Variants in NDST4 observed in about 807,000 individuals in gnomAD.
NDST4 encodes N-deacetylase and N-sulfotransferase 4.
NDST4 carries 63 observed loss-of-function variants against 100.8 expected under a neutral mutation model. The observed-to-expected ratio is 0.62, with a 90% CI of 0.51 to 0.77. The LOEUF is 0.77. NDST4 is among the 30% of genes least tolerant of loss of function. NDST4 has a pLI of 0.00. For synonymous variants in NDST4, 377 were observed against 361.8 expected, an observed-to-expected ratio of 1.04 and a Z score of -0.48; for missense variants, 943 against 1,018.4, an observed-to-expected ratio of 0.93 and a Z score of 1.01.
intron 2 of NDST4, among the ~76,000 whole-genome samples, chr4:114,986,646 A>T (rs1347768834): frequency 6.6e-6 from 1 of 151,604 alleles, no homozygotes; most frequent in Non-Finnish European, 1.5e-5. Context: ...TCTGTTTCCC[A>T]TGCTCTACTG....
chr4:114,866,856 G>A (rs1724037449), intron 7 of NDST4, among the ~76,000 whole-genome samples: 1 of 152,164 alleles, frequency 6.6e-6, no homozygotes, highest in South Asian at 2.1e-4. Flanking sequence ...GATTATGTAA[G>A]TACTTCAAAA....
intron 2 of NDST4, among the ~76,000 whole-genome samples, chr4:114,986,788 T>TTATACA (rs1452360831): frequency 3.0e-5 from 2 of 65,982 alleles, no homozygotes; most frequent in African/African-American, 1.5e-4. Flanking sequence ...TGGTATCCAA[T>TTATACA]TATACATATA....
chr4:114,951,299 A>G (rs1388775350), intron 4 of NDST4, among the ~76,000 whole-genome samples: 1 of 151,990 alleles, frequency 6.6e-6, no homozygotes, highest in African/African-American at 2.4e-5. Flanking sequence ...TAGTTTTTTC[A>G]TTATTAAATA....
chr4:115,112,206 A>C (rs1398429100), intron 1 of NDST4, among the ~76,000 whole-genome samples: 1 of 151,734 alleles, frequency 6.6e-6, no homozygotes, highest in Admixed American at 6.6e-5. Context: ...ATATGAAAAA[A>C]AAAAAAAAAC....
At chr4:115,086,851 A>G (rs905208540) in intron 1 of NDST4, among the ~76,000 whole-genome samples, 2 of 152,088 alleles carry the variant, frequency 1.3e-5, no homozygotes, top group African/African-American at 4.8e-5. Flanking sequence ...TTAGAAAAAC[A>G]TGGGGATTTT....
chr4:115,038,560 C>A (rs1170256134), intron 2 of NDST4, among the ~76,000 whole-genome samples: 1 of 152,164 alleles, frequency 6.6e-6, no homozygotes, highest in Non-Finnish European at 1.5e-5. Context: ...GGTACCCTAT[C>A]TCTAATATCA....
intron 4 of NDST4, among the ~76,000 whole-genome samples, chr4:114,959,424 C>A (rs917458151): frequency 6.6e-6 from 1 of 152,164 alleles, no homozygotes; most frequent in African/African-American, 2.4e-5. Flanking sequence ...CACAGTTTCA[C>A]ATGGCTGAGA....
chr4:115,022,543 A>T (rs573549404), intron 2 of NDST4, among the ~76,000 whole-genome samples: 1 of 135,632 alleles, frequency 7.4e-6, no homozygotes, highest in East Asian at 2.0e-4. Flanking sequence ...TACTTCTCAG[A>T]CGTAAAAATG....
intron 6 of NDST4, among the ~76,000 whole-genome samples, chr4:114,879,983 T>C (rs1015362134): frequency 2.0e-5 from 3 of 152,198 alleles, no homozygotes; most frequent in Admixed American, 1.3e-4. Context: ...TAGTGCATTA[T>C]TAACAAATCA....
At chr4:114,997,253 G>A (rs894649297) in intron 2 of NDST4, among the ~76,000 whole-genome samples, 4 of 151,798 alleles carry the variant, frequency 2.6e-5, no homozygotes, top group East Asian at 1.9e-4. Flanking sequence ...CTTCCACAAT[G>A]TTTTTCCAGA....
chr4:114,952,384 G>T (rs186270401), intron 4 of NDST4, among the ~76,000 whole-genome samples: 1 of 152,030 alleles, frequency 6.6e-6, no homozygotes, highest in South Asian at 2.1e-4. Context: ...GCTATTTGGT[G>T]GGTGGGAGGG....
At chr4:114,996,587 T>C (rs896549289) in intron 2 of NDST4, among the ~76,000 whole-genome samples, 2 of 152,096 alleles carry the variant, frequency 1.3e-5, no homozygotes, top group Admixed American at 1.3e-4. Context: ...CTCCTCTCTG[T>C]TTCCTAGGTT....
intron 1 of NDST4, among the ~76,000 whole-genome samples, chr4:115,105,306 G>A (rs1167246890): frequency 1.3e-5 from 2 of 151,656 alleles, no homozygotes; most frequent in Non-Finnish European, 2.9e-5. Flanking sequence ...TATCTTTCTT[G>A]GACTGTCTCA....
intron 6 of NDST4, among the ~76,000 whole-genome samples, chr4:114,871,840 G>T (rs1724155308): frequency 6.6e-6 from 1 of 151,762 alleles, no homozygotes; most frequent in Admixed American, 6.6e-5. Context: ...TTACTGTATT[G>T]ATCTGTATTG....
intron 6 of NDST4, among the ~76,000 whole-genome samples, chr4:114,885,149 G>A (rs1450409055): frequency 6.6e-6 from 1 of 152,032 alleles, no homozygotes; most frequent in African/African-American, 2.4e-5. Flanking sequence ...TGATCTGCAT[G>A]CCAACAGGCT....
intron 6 of NDST4, among the ~76,000 whole-genome samples, chr4:114,896,764 A>C (rs1724723921): frequency 6.6e-6 from 1 of 152,164 alleles, no homozygotes; most frequent in African/African-American, 2.4e-5. Flanking sequence ...GCCAGCAGCT[A>C]TTTTACATGG....
intron 3 of NDST4, among the ~76,000 whole-genome samples, chr4:114,972,238 T>TTAAGCAGC (rs1229695113): frequency 2.0e-5 from 3 of 152,016 alleles, no homozygotes; most frequent in Admixed American, 1.3e-4. Context: ...AGTCAGTAGA[T>TTAAGCAGC]TAAGCAGCTT....
intron 7 of NDST4, among the ~76,000 whole-genome samples, chr4:114,861,192 A>G (rs1327053411): frequency 1.3e-5 from 2 of 152,128 alleles, no homozygotes; most frequent in Non-Finnish European, 2.9e-5. Flanking sequence ...TCTACCATAA[A>G]CCTTCCCTAT....
chr4:114,900,602 G>A (rs1217972921), intron 6 of NDST4, among the ~76,000 whole-genome samples: 3 of 152,108 alleles, frequency 2.0e-5, no homozygotes, highest in Non-Finnish European at 4.4e-5. Context: ...TCAGCAATAT[G>A]CTGTGTAGGT....
Sources: allele counts gnomAD v4.1 joint callset (sites outside exome capture counted in the v4.1 genomes callset), GRCh38; gene constraint gnomAD v4.1.1; transcripts MANE v1.5; gene names NCBI Gene and HGNC (gene_info 2026-07-23, HGNC 2026-07-21).